The following BMI1 variants were observed in gnomAD, a reference collection of about 807,000 sequenced individuals.
BMI1 encodes BMI1 proto-oncogene, polycomb ring finger.
BMI1 carries 9 observed loss-of-function variants against 39.1 expected under a neutral mutation model. That is an observed-to-expected ratio of 0.23 (90% CI 0.14 to 0.40). BMI1 has a LOEUF of 0.40. Ranked by LOEUF, BMI1 falls within the 10% of genes least tolerant of loss-of-function variation. The pLI, the probability that BMI1 is intolerant of heterozygous loss-of-function variation, is 1.00. For missense variants in BMI1, 252 were observed against 390.8 expected, an observed-to-expected ratio of 0.64 and a Z score of 2.99; for synonymous variants, 131 against 127.9, an observed-to-expected ratio of 1.02 and a Z score of -0.16.
At chr10:22,322,132 C>G (rs1836021286) in intron 1 of BMI1, 2 of 152,094 alleles carry the variant, frequency 1.3e-5, no homozygotes, top group South Asian at 4.1e-4. Flanking sequence ...TATTTCCAGC[C>G]TCGGCGGCTC....
intron 1 of BMI1, among the ~76,000 whole-genome samples, chr10:22,323,637 T>G (rs185039125): frequency 1.2e-3 from 176 of 152,376 alleles, no homozygotes; most frequent in Admixed American, 4.0e-3. Flanking sequence ...ATGGTTAACA[T>G]AAGAACTTGC....
At position 22,330,404 on chromosome 10, in the gene BMI1, AT is replaced by A. The variant is rs1836258006; in HGVS notation, c.*867del. 1 of 152,646 alleles carries A rather than the reference AT, an allele frequency of 6.6e-6. No individual in the cohort carries two copies. Among genetic ancestry groups the A allele is most frequent in the Non-Finnish European group, 1.5e-5 (1 of 68,040 alleles). The allele number at this position is 152,646 out of a possible 1,614,324, so 9.5% of individuals were successfully genotyped here. A position where few individuals can be genotyped will look rare whatever the true frequency, so the allele number is the denominator to read the frequency against. On this transcript the variant is annotated 3_prime_UTR_variant, in exon 10 of 10. Coordinates refer to ENST00000376663, the MANE Select transcript of BMI1 (RefSeq NM_005180.9). ...TGAGCCTTGCTTACCAGCAAAGAAT[AT>A]TTTTAATGTGGATATCTAATTCTAA... is the stretch of plus-strand genomic sequence containing the variant.
chr10:22,327,349 C>T (rs574581631), intron 3 of BMI1, among the ~76,000 whole-genome samples: 8 of 152,124 alleles, frequency 5.3e-5, no homozygotes, highest in African/African-American at 7.2e-5. Context: ...ACTTGAAAGG[C>T]ACACTTCTTT....
chr10:22,322,579 G>C (rs1046493296), intron 1 of BMI1, among the ~76,000 whole-genome samples: 1 of 152,188 alleles, frequency 6.6e-6, no homozygotes, highest in African/African-American at 2.4e-5. Flanking sequence ...GCTTTTTGTG[G>C]AGTGAAGATG....
chr10:22,329,680 ATAAAAGATGGAC>A lies in BMI1; in HGVS notation c.*141_*152del. On this transcript the variant is annotated 3_prime_UTR_variant, in exon 10 of 10. Transcript: ENST00000376663. ...TTTTGTAGTGACATTAAATTTGGCT[ATAAAAGATGGAC>A]TACATGTGATACTCCTATGGACGTT... 1 of 1,037,512 alleles carries A rather than the reference ATAAAAGATGGAC, an allele frequency of 9.6e-7. No homozygotes were observed. The highest frequency in any genetic ancestry group is 1.4e-6 in the Non-Finnish European group (1 of 734,622). The allele number at this position is 1,037,512 out of a possible 1,614,324, so 64.3% of individuals were successfully genotyped here. A position where few individuals can be genotyped will look rare whatever the true frequency, so the allele number is the denominator to read the frequency against.
chr10:22,327,831 G>C, intron 5 of BMI1, 39 bp downstream of exon 5: 1 of 1,611,566 alleles, frequency 6.2e-7, no homozygotes, highest in Non-Finnish European at 8.5e-7. Context: ...TTATATGGGG[G>C]GAGAGCTTAT....
Position 22,321,525 on chromosome 10 carries a change from G to T in BMI1, c.-191G>T, listed in dbSNP as rs1446292993. On this transcript the variant is annotated 5_prime_UTR_variant, in exon 1 of 10. Coordinates refer to ENST00000376663, the MANE Select transcript of BMI1 (RefSeq NM_005180.9). ...AGGCCGGCCGGAGGCGGCATGAGACGAGCGTGGCGGCCGCGGCTGCTCGGG... is the reference window on the plus strand; with the variant it reads ...AGGCCGGCCGGAGGCGGCATGAGACTAGCGTGGCGGCCGCGGCTGCTCGGG... 2 of 154,238 alleles carry T rather than the reference G, an allele frequency of 1.3e-5. No homozygotes were observed. The highest frequency in any genetic ancestry group is 3.7e-4 in the South Asian group (2 of 5,384). 9.6% of individuals were successfully genotyped at this position (154,238 alleles called of 1,614,324 possible). A position where few individuals can be genotyped will look rare whatever the true frequency, so the allele number is the denominator to read the frequency against.
chr10:22,326,668 A>T, intron 2 of BMI1, 107 bp downstream of exon 2: 12 of 1,510,532 alleles, frequency 7.9e-6, no homozygotes, highest in African/African-American at 1.4e-5. Flanking sequence ...TGTTGGTACA[A>T]AGTGGTGAAG....
In BMI1 at chr10:22,321,284, C is replaced by T. The variant is rs1216277778; in HGVS notation, c.-432C>T. ...ACAATGGGGATGTGGGCGCGGGAGC[C>T]CCGTTCCGGCTTAGCAGCACCTCCC... On this transcript the variant is annotated 5_prime_UTR_variant, in exon 1 of 10. Transcript: ENST00000376663. 1 of 152,230 alleles carries T rather than the reference C, an allele frequency of 6.6e-6. No homozygotes were observed. Among genetic ancestry groups the T allele is most frequent in the Non-Finnish European group, 1.5e-5 (1 of 68,220 alleles). 9.4% of individuals were successfully genotyped at this position (152,230 alleles called of 1,614,324 possible). A position where few individuals can be genotyped will look rare whatever the true frequency, so the allele number is the denominator to read the frequency against.
In BMI1 at chr10:22,327,954, C is replaced by T; in HGVS notation, c.321C>T (p.Ala107=). 1.9e-6 allele frequency: 3 copies of T among 1,597,866 alleles called. No homozygotes were observed. Among genetic ancestry groups the T allele is most frequent in the Non-Finnish European group, 2.6e-6 (3 of 1,175,616 alleles). The change falls in exon 6 of 10, where the codon GCC becomes GCT. Residue 107 remains alanine, a synonymous_variant. Coordinates refer to ENST00000376663, the MANE Select transcript of BMI1 (RefSeq NM_005180.9). The part of the protein sequence containing the change: ...FYAAHPSADA[A]NGSNEDRGEV... Reference sequence around the variant, plus strand: ...CATTTCACTATATCGTTATAGCTGCCAATGGCTCTAATGAAGATAGAGGAG... The same window carrying T: ...CATTTCACTATATCGTTATAGCTGCTAATGGCTCTAATGAAGATAGAGGAG...
At chr10:22,328,482 G>A in intron 7 of BMI1, 118 bp from the exon 8 acceptor site, 1 of 986,420 alleles carries the variant, frequency 1.0e-6, no homozygotes, top group South Asian at 2.0e-5. Flanking sequence ...TTAGTTGAGA[G>A]GTTGGTCACC....
At position 22,329,698 on chromosome 10, in the gene BMI1, G is replaced by A. The variant is rs1836242327; in HGVS notation, c.*156G>A. 1.2e-6 allele frequency: 1 copy of A among 827,856 alleles called. No individual in the cohort carries two copies. The highest frequency in any genetic ancestry group is 1.7e-5 in the African/African-American group (1 of 57,918). 51.3% of individuals were successfully genotyped at this position (827,856 alleles called of 1,614,324 possible). A position where few individuals can be genotyped will look rare whatever the true frequency, so the allele number is the denominator to read the frequency against. On this transcript the variant is annotated 3_prime_UTR_variant, in exon 10 of 10. Coordinates refer to ENST00000376663, the MANE Select transcript of BMI1 (RefSeq NM_005180.9). ...TTTGGCTATAAAAGATGGACTACAT[G>A]TGATACTCCTATGGACGTTAATTGA...
chr10:22,325,084 T>C (rs560663542), intron 1 of BMI1, among the ~76,000 whole-genome samples: 2 of 152,242 alleles, frequency 1.3e-5, no homozygotes, highest in Non-Finnish European at 2.9e-5. Context: ...GCCCCCAGCA[T>C]AGTTTGTCCA....
rs1268733689 is a variant in BMI1 at position 22,331,131 on chromosome 10, T to A, written c.*1589T>A. On this transcript the variant is annotated 3_prime_UTR_variant, in exon 10 of 10. Coordinates refer to ENST00000376663, the MANE Select transcript of BMI1 (RefSeq NM_005180.9). ...AAGGATGTTTTATGAAGTCACAAGA[T>A]ACATATATTTTTATTTTGACCTAAA... The A allele has an allele frequency of 1.3e-5, 2 of 152,598 alleles. No homozygotes were observed. Among genetic ancestry groups the A allele is most frequent in the Non-Finnish European group, 2.9e-5 (2 of 67,970 alleles). 9.5% of individuals were successfully genotyped at this position (152,598 alleles called of 1,614,324 possible). A position where few individuals can be genotyped will look rare whatever the true frequency, so the allele number is the denominator to read the frequency against.
intron 1 of BMI1, chr10:22,326,218 G>A: frequency 1.8e-6 from 1 of 555,492 alleles, no homozygotes; most frequent in Non-Finnish European, 3.0e-6. Context: ...AATGATCTGA[G>A]AGACCAGAAG....
chr10:22,329,305 A>G lies in BMI1; in HGVS notation c.744A>G (p.Glu248=), dbSNP rs761763487. The G allele has an allele frequency of 3.7e-6, 6 of 1,614,202 alleles. No homozygotes were observed. Among genetic ancestry groups the G allele is most frequent in the Non-Finnish European group, 5.1e-6 (6 of 1,180,028 alleles). ...HQRDGLTNAG[E]LESDSGSDKA... ...GAGATGGACTGACAAATGCTGGAGA[A>G]CTGGAAAGTGACTCTGGGAGTGACA... Residue 248 remains glutamate (E), a synonymous_variant, in exon 10 of 10, where the codon GAA becomes GAG. Transcript: ENST00000376663.
chr10:22,328,369 A>G (rs1418004279), intron 7 of BMI1, among the ~76,000 whole-genome samples, 190 bp downstream of exon 7: 1 of 152,116 alleles, frequency 6.6e-6, no homozygotes, highest in East Asian at 1.9e-4. Context: ...TTAGTCTTAC[A>G]AAATATTTTA....
At chr10:22,326,643 T>A in intron 2 of BMI1, 82 bp downstream of exon 2, 2 of 1,553,034 alleles carry the variant, frequency 1.3e-6, no homozygotes, top group Non-Finnish European at 8.7e-7. Context: ...TAATGATTCC[T>A]GCAATCTGTG....
At chr10:22,324,582 C>T (rs947416087) in intron 1 of BMI1, among the ~76,000 whole-genome samples, 2 of 152,168 alleles carry the variant, frequency 1.3e-5, no homozygotes, top group African/African-American at 4.8e-5. Flanking sequence ...TTGTTTTTTA[C>T]CATTTTCTAG....
Sources: allele counts gnomAD v4.1 joint callset (sites outside exome capture counted in the v4.1 genomes callset), GRCh38; gene constraint gnomAD v4.1.1; transcripts MANE v1.5; gene names NCBI Gene and HGNC (gene_info 2026-07-23, HGNC 2026-07-21).